TERB1: variants seen among roughly 807,000 people sequenced by gnomAD.
TERB1 encodes telomere repeat binding bouquet formation protein 1, also known as telomere repeats-binding bouquet formation protein 1.
In TERB1, 63 loss-of-function variants were observed where a neutral mutation model predicts 92.3. That is an observed-to-expected ratio of 0.68 (90% confidence interval 0.56 to 0.84). TERB1 has a LOEUF of 0.84. Among genes scored for constraint, TERB1 ranks in the 40% least tolerant of loss-of-function variants. The pLI is 0.00. For missense variants in TERB1, 709 were observed against 843.7 expected (o/e 0.84, Z 1.98); for synonymous variants, 252 against 283.9 (o/e 0.89, Z 1.13).
Position 66,767,527 on chromosome 16 carries a change from A to C in TERB1, c.1685-17T>G. On this transcript the variant is annotated splice_polypyrimidine_tract_variant and intron_variant, in intron 15 of 18. Coordinates refer to ENST00000433154, the MANE Select transcript of TERB1 (RefSeq NM_001136505.2). ...TAAATGGATCTGAAAAAAATTGCAA[A>C]ATGAAGGATTTTTGGATTAATGAAA... 1.7e-6 allele frequency: 2 copies of C among 1,183,702 alleles called. No homozygotes were observed. Among genetic ancestry groups the C allele is most frequent in the Non-Finnish European group, 2.4e-6 (2 of 846,796 alleles). 73.3% of individuals were successfully genotyped at this position (1,183,702 alleles called of 1,614,324 possible). A position where few individuals can be genotyped will look rare whatever the true frequency, so the allele number is the denominator to read the frequency against.
intron 6 of TERB1, among the ~76,000 whole-genome samples, chr16:66,786,927 C>G (rs1393210678): frequency 1.3e-5 from 2 of 152,140 alleles, no homozygotes; most frequent in East Asian, 3.8e-4. Flanking sequence ...ACCACCCAGA[C>G]TTCCCCCTCT....
chr16:66,772,535 G>A (rs1230159336), intron 13 of TERB1, 54 bp downstream of exon 13: 8 of 1,459,098 alleles, frequency 5.5e-6, no homozygotes, highest in Non-Finnish European at 7.4e-6. Flanking sequence ...AAAAAAGAAA[G>A]AAATTTTAAA....
intron 14 of TERB1, among the ~76,000 whole-genome samples, chr16:66,769,108 AAAAAAAGAAAAAGAAAAAG>A (rs1567468672): frequency 6.6e-6 from 1 of 152,030 alleles, no homozygotes; most frequent in East Asian, 1.9e-4. Context: ...TTTCTCAAAA[AAAAAAAGAAAAAGAAAAAG>A]AAAAAAGAAA....
In TERB1 at chr16:66,763,734, TAA is replaced by T. The variant is rs574802991; in HGVS notation, c.1780+3679_1780+3680del. On this transcript the variant is annotated intron_variant, in intron 16 of 18. Transcript: ENST00000433154. ...TGCACACGTATCCCTGAACTTAAAA[TAA>T]AAGTTGGAAAAACATTTTTTAAAAA... Among the ~76,000 whole-genome samples, 1,465 of 152,256 alleles carry T rather than the reference TAA, an allele frequency of 9.6e-3. 11 individuals carry two copies. Among genetic ancestry groups the T allele is most frequent in the Non-Finnish European group, 0.014 (952 of 68,020 alleles).
chr16:66,798,952 G>C (rs1361375745), intron 2 of TERB1, among the ~76,000 whole-genome samples: 1 of 152,134 alleles, frequency 6.6e-6, no homozygotes, highest in African/African-American at 2.4e-5. Flanking sequence ...GTAAGTGCTA[G>C]AGTTAAAATG....
intron 9 of TERB1, among the ~76,000 whole-genome samples, chr16:66,783,068 G>A (rs2018665055): frequency 6.6e-6 from 1 of 152,128 alleles, no homozygotes; most frequent in Admixed American, 6.6e-5. Flanking sequence ...TGCCCAGGCT[G>A]GTCTTGAACT....
chr16:66,785,657 A>C, intron 9 of TERB1, 129 bp downstream of exon 9: 1 of 876,988 alleles, frequency 1.1e-6, no homozygotes, highest in Non-Finnish European at 1.7e-6. Flanking sequence ...CTTATCTTTA[A>C]GAGTCTAAAT....
At chr16:66,792,990 AATTTTATTTTATTTTATAAAATTTT>A (rs1251636411) in intron 3 of TERB1, among the ~76,000 whole-genome samples, 30 of 151,620 alleles carry the variant, frequency 2.0e-4, no homozygotes, top group African/African-American at 5.1e-4. Context: ...TTATTTTTAA[AATTTTATTTTATTTTATAAAATTTT>A]ATTTTATTTT....
At chr16:66,799,578 T>C (rs1959223643) in intron 2 of TERB1, among the ~76,000 whole-genome samples, 1 of 152,144 alleles carries the variant, frequency 6.6e-6, no homozygotes, top group Non-Finnish European at 1.5e-5. Context: ...AAATTAAAAC[T>C]GGTCACCCAC....
At position 66,778,972 on chromosome 16, in the gene TERB1, T is replaced by C. The variant is rs373862260; in HGVS notation, c.744A>G (p.Val248=). The C allele has an allele frequency of 6.4e-5, 98 of 1,532,194 alleles. No individual in the cohort carries two copies. The highest frequency in any genetic ancestry group is 5.5e-5 in the Non-Finnish European group (62 of 1,131,568). 94.9% of individuals were successfully genotyped at this position (1,532,194 alleles called of 1,614,324 possible). A position where few individuals can be genotyped will look rare whatever the true frequency, so the allele number is the denominator to read the frequency against. Residue 248 remains valine (V), a synonymous_variant, in exon 10 of 19, where the codon GTA becomes GTG. Coordinates refer to ENST00000433154, the MANE Select transcript of TERB1 (RefSeq NM_001136505.2). The part of the protein sequence containing the change: ...KYFVSVGGLD[V]LSQVLMQLES... ...CCAGCTGCATGAGAACTTGAGACAA[T>C]ACATCCAGTCCGCCCACAGATACGA...
At chr16:66,778,771 C>T (rs1015477240) in intron 10 of TERB1, 92 bp downstream of exon 10, 7 of 1,059,226 alleles carry the variant, frequency 6.6e-6, no homozygotes, top group Middle Eastern at 4.3e-4. Context: ...TAGTCTAAAC[C>T]ATGTTACTAT....
At chr16:66,755,670 G>C (rs554888161) in intron 18 of TERB1, among the ~76,000 whole-genome samples, 1 of 152,148 alleles carries the variant, frequency 6.6e-6, no homozygotes, top group East Asian at 1.9e-4. Context: ...AGCTTCTCGG[G>C]AGGCTGAGGC....
rs1444775947 is a variant in TERB1, at chr16:66,758,795, T to C, written c.1974A>G (p.Glu658=). The C allele has an allele frequency of 5.2e-6, 8 of 1,534,544 alleles. No individual in the cohort carries two copies. ...TPRRRQRLSN[E]STTPGGIKKR... is the part of the protein sequence containing the mutation. ...CACTTATTCCTCCAGGGGTAGTAGA[T>C]TCATTACTGAGTCGTTGTCTTCTAC... Residue 658 remains glutamate (E), a synonymous_variant, in exon 18 of 19, where the codon GAA becomes GAG. Coordinates refer to ENST00000433154, the MANE Select transcript of TERB1 (RefSeq NM_001136505.2).
At chr16:66,769,116 A>G (rs1255152374) in intron 14 of TERB1, among the ~76,000 whole-genome samples, 2 of 151,836 alleles carry the variant, frequency 1.3e-5, no homozygotes, top group Middle Eastern at 3.4e-3. Flanking sequence ...AAAAAAAAAG[A>G]AAAAGAAAAA....
rs146670413 is a variant in TERB1 at position 66,773,268 on chromosome 16, A to T, written c.1112-519T>A. Among the ~76,000 whole-genome samples the T allele has an allele frequency of 2.6e-5, 4 of 152,286 alleles. No homozygotes were observed. The East Asian group carries it at 7.7e-4, about 29-fold the overall frequency. ...AGAATCCCTCAAACCCAGGAGGCAC[A>T]AGCTGCAGTGAACAGAGACTGAGCC... On this transcript the variant is annotated intron_variant, in intron 12 of 18. Transcript: ENST00000433154.
At position 66,788,200 on chromosome 16, in the gene TERB1, AACAG is replaced by A. The variant is rs2018760055; in HGVS notation, c.365_368del (p.Ser122PhefsTer18). The A allele has an allele frequency of 6.7e-7, 1 of 1,501,254 alleles. No individual in the cohort carries two copies. Among genetic ancestry groups the A allele is most frequent in the South Asian group, 1.3e-5 (1 of 75,992 alleles). 93.0% of individuals were successfully genotyped at this position (1,501,254 alleles called of 1,614,324 possible). On this transcript the variant is annotated frameshift_variant, in exon 6 of 19. Transcript: ENST00000433154. LOFTEE classifies it high-confidence loss of function. ...TTGAAACCAGAACCAAAATAACATA[AACAG>A]ACATTCTTTTCAAATTTATGTTTGA...
intron 2 of TERB1, among the ~76,000 whole-genome samples, chr16:66,800,542 C>A (rs1354743694): frequency 9.4e-6 from 1 of 106,390 alleles, no homozygotes; most frequent in Non-Finnish European, 1.8e-5. Context: ...AGGCGCCCAC[C>A]ACACCAAGGC....
At chr16:66,760,130 C>CAAAAA (rs148772308) in intron 16 of TERB1, among the ~76,000 whole-genome samples, 71 of 23,196 alleles carry the variant, frequency 3.1e-3, no homozygotes, top group Non-Finnish European at 4.0e-3. Flanking sequence ...GACTCCATCT[C>CAAAAA]AAAAAAAAAA....
chr16:66,778,125 C>A (rs1441732548), intron 10 of TERB1, among the ~76,000 whole-genome samples: 2 of 152,330 alleles, frequency 1.3e-5, no homozygotes, highest in Non-Finnish European at 1.5e-5. Context: ...GAGTTCAAGT[C>A]TGGTTCTGCC....
Sources: allele counts gnomAD v4.1 joint callset (sites outside exome capture counted in the v4.1 genomes callset), GRCh38; gene constraint gnomAD v4.1.1; transcripts MANE v1.5; gene names NCBI Gene and HGNC (gene_info 2026-07-23, HGNC 2026-07-21).